ARMH4: variants seen among roughly 807,000 people sequenced by gnomAD.
ARMH4 encodes armadillo-like helical domain-containing protein 4.
ARMH4 carries 49 observed loss-of-function variants against 61.9 expected under a neutral mutation model. The observed-to-expected ratio is 0.79, with a 90% CI of 0.63 to 1.00. ARMH4 has a LOEUF of 1.00. ARMH4 is among the 50% of genes least tolerant of loss of function. The pLI is 0.00. For synonymous variants in ARMH4, 368 were observed against 341.5 expected, an observed-to-expected ratio of 1.08 and a Z score of -0.85; for missense variants, 934 against 930.0, an observed-to-expected ratio of 1.00 and a Z score of -0.06.
intron 5 of ARMH4, among the ~76,000 whole-genome samples, chr14:58,046,160 C>A (rs1159304916): frequency 3.3e-5 from 5 of 152,306 alleles, no homozygotes; most frequent in South Asian, 2.1e-4. Flanking sequence ...TATGCACATT[C>A]CTGTCCAGCC....
intron 4 of ARMH4, among the ~76,000 whole-genome samples, chr14:58,103,538 T>G (rs955115534): frequency 4.6e-5 from 7 of 151,586 alleles, no homozygotes; most frequent in Non-Finnish European, 8.8e-5. Context: ...AAAAAAACCC[T>G]ACTTAAAAAC....
At chr14:58,043,401 A>G (rs1350727895) in intron 5 of ARMH4, among the ~76,000 whole-genome samples, 1 of 152,212 alleles carries the variant, frequency 6.6e-6, no homozygotes, top group East Asian at 1.9e-4. Context: ...ACAAAATTCA[A>G]CAACGCTTCA....
intron 5 of ARMH4, among the ~76,000 whole-genome samples, chr14:58,076,179 A>T (rs1363585096): frequency 6.6e-6 from 1 of 152,146 alleles, no homozygotes; most frequent in African/African-American, 2.4e-5. Context: ...GAATTTCTTC[A>T]TCATTAAGCA....
At position 58,036,946 on chromosome 14, in the gene ARMH4, A is replaced by C. The variant is rs1828982483; in HGVS notation, c.2090-24796T>G. Among the ~76,000 whole-genome samples, 2 of 121,716 alleles carry C rather than the reference A, an allele frequency of 1.6e-5. 1 individual carries two copies. The highest frequency in any genetic ancestry group is 5.3e-4 in the South Asian group (2 of 3,742). 79.9% of individuals were successfully genotyped at this position (121,716 alleles called of 152,430 possible). A position where few individuals can be genotyped will look rare whatever the true frequency, so the allele number is the denominator to read the frequency against. On this transcript the variant is annotated intron_variant, in intron 5 of 7. Transcript: ENST00000267485. ...ACGTTCCATGCTCATGGGTAGGAAGAATCAATATCGTGAAAACGGCCATAC... is the reference window on the plus strand; with the variant it reads ...ACGTTCCATGCTCATGGGTAGGAAGCATCAATATCGTGAAAACGGCCATAC...
At chr14:58,038,817 C>T (rs1197133931) in intron 5 of ARMH4, among the ~76,000 whole-genome samples, 2 of 152,150 alleles carry the variant, frequency 1.3e-5, no homozygotes, top group African/African-American at 4.8e-5. Flanking sequence ...TGGCTACTGG[C>T]TACACTCATA....
rs1343547139 is a variant in ARMH4 at position 58,035,817 on chromosome 14, C to T, written c.2090-23667G>A. ...AAATCTAGAAGAAATGGATAAATTC[C>T]TCAACACATACACTCTCCCAAGACT... On this transcript the variant is annotated intron_variant, in intron 5 of 7. Coordinates refer to ENST00000267485, the MANE Select transcript of ARMH4 (RefSeq NM_001001872.4). 2.2e-4 allele frequency among the ~76,000 whole-genome samples: 31 copies of T among 138,684 alleles called. 1 individual carries two copies. Among genetic ancestry groups the T allele is most frequent in the Admixed American group, 2.1e-3 (29 of 14,122 alleles). The allele number at this position is 138,684 out of a possible 152,430, so 91.0% of individuals were successfully genotyped here.
chr14:58,139,392 T>A lies in ARMH4; in HGVS notation c.-34A>T. ...AGAAATGGCACGTACACTGGCAGAG[T>A]TGACAAGTCCAGTAATTGAATCCTG... is the stretch of plus-strand genomic sequence containing the variant. On this transcript the variant is annotated 5_prime_UTR_variant, in exon 2 of 8. Coordinates refer to ENST00000267485, the MANE Select transcript of ARMH4 (RefSeq NM_001001872.4). 1 of 1,602,158 alleles carries A rather than the reference T, an allele frequency of 6.2e-7. No homozygotes were observed. The highest frequency in any genetic ancestry group is 8.5e-7 in the Non-Finnish European group (1 of 1,171,788).
rs995698631 is a variant in ARMH4, at chr14:58,003,273, T to C, written c.*1463A>G. The C allele has an allele frequency of 6.6e-6, 1 of 152,190 alleles. No homozygotes were observed. The highest frequency in any genetic ancestry group is 2.4e-5 in the African/African-American group (1 of 41,438). 9.4% of individuals were successfully genotyped at this position (152,190 alleles called of 1,614,324 possible). A position where few individuals can be genotyped will look rare whatever the true frequency, so the allele number is the denominator to read the frequency against. Reference sequence around the variant, plus strand: ...CTGAAGATAAGGGTGCATGGCTGGGTCCAAGTGGGTTCTCACGCTGATTCT... The same window carrying C: ...CTGAAGATAAGGGTGCATGGCTGGGCCCAAGTGGGTTCTCACGCTGATTCT... On this transcript the variant is annotated 3_prime_UTR_variant, in exon 8 of 8. Transcript: ENST00000267485.
At chr14:58,038,876 G>T (rs368604435) in intron 5 of ARMH4, among the ~76,000 whole-genome samples, 9 of 152,324 alleles carry the variant, frequency 5.9e-5, no homozygotes, top group African/African-American at 2.2e-4. Flanking sequence ...AAATAAGGAT[G>T]CAATTTTTAC....
chr14:58,143,572 T>G (rs535937216), intron 1 of ARMH4, among the ~76,000 whole-genome samples: 4 of 152,198 alleles, frequency 2.6e-5, no homozygotes, highest in African/African-American at 7.2e-5. Context: ...CAAGTGATTC[T>G]CCTGCCTCAG....
intron 1 of ARMH4, among the ~76,000 whole-genome samples, chr14:58,142,217 T>G (rs1887588055): frequency 6.6e-6 from 1 of 152,172 alleles, no homozygotes; most frequent in African/African-American, 2.4e-5. Flanking sequence ...TTTTCTTGCT[T>G]TCATGTCTAA....
chr14:58,079,050 G>A (rs1211195509), intron 5 of ARMH4, among the ~76,000 whole-genome samples: 3 of 152,168 alleles, frequency 2.0e-5, no homozygotes. Context: ...CAGCTATTTT[G>A]AGACCATGCA....
chr14:58,147,316 GTTTTT>G, intron 1 of ARMH4, among the ~76,000 whole-genome samples: 1 of 132,538 alleles, frequency 7.5e-6, no homozygotes, highest in Non-Finnish European at 1.6e-5. Context: ...AATCCAGATG[GTTTTT>G]TTTTTTTTTT....
At chr14:58,023,913 T>A (rs1237180358) in intron 5 of ARMH4, among the ~76,000 whole-genome samples, 3 of 152,186 alleles carry the variant, frequency 2.0e-5, no homozygotes, top group African/African-American at 7.2e-5. Context: ...TCTTTTTTTC[T>A]GAGAGTAGGT....
chr14:58,137,300 G>A (rs555434485), intron 2 of ARMH4, among the ~76,000 whole-genome samples: 1 of 152,286 alleles, frequency 6.6e-6, no homozygotes, highest in South Asian at 2.1e-4. Context: ...TCCAAACATT[G>A]CTAAATGTCC....
At chr14:58,048,983 A>G (rs1295714190) in intron 5 of ARMH4, among the ~76,000 whole-genome samples, 1 of 152,188 alleles carries the variant, frequency 6.6e-6, no homozygotes, top group Non-Finnish European at 1.5e-5. Context: ...CATGCCTGTA[A>G]TCCCAGCACT....
At chr14:58,104,704 T>C (rs564493038) in intron 4 of ARMH4, among the ~76,000 whole-genome samples, 94 of 152,354 alleles carry the variant, frequency 6.2e-4, no homozygotes, top group African/African-American at 2.1e-3. Flanking sequence ...ATGTATGTTA[T>C]AGCAACTTGA....
intron 4 of ARMH4, among the ~76,000 whole-genome samples, chr14:58,109,249 A>G (rs974000871): frequency 3.3e-5 from 5 of 152,206 alleles, no homozygotes; most frequent in African/African-American, 9.6e-5. Context: ...ATATTCTACA[A>G]TTTTAGTCAG....
At position 58,141,668 on chromosome 14, in the gene ARMH4, G is replaced by A. The variant is rs541660698; in HGVS notation, c.-56-2254C>T. 6.6e-4 allele frequency: 238 copies of A among 361,900 alleles called. 1 individual carries two copies. The highest frequency in any genetic ancestry group is 1.9e-3 in the Middle Eastern group (2 of 1,064). The allele number at this position is 361,900 out of a possible 1,614,324, so 22.4% of individuals were successfully genotyped here. Reference sequence around the variant, plus strand: ...TACCCCAGGAAGAAGGTCAAATAAGGCTCTTCCTTCCTTGAAGGGCAGCAG... The same window carrying A: ...TACCCCAGGAAGAAGGTCAAATAAGACTCTTCCTTCCTTGAAGGGCAGCAG... On this transcript the variant is annotated intron_variant, in intron 1 of 7. Transcript: ENST00000267485.
Sources: gnomAD v4.1 joint callset for allele counts (sites outside exome capture counted in the v4.1 genomes callset) on GRCh38, gnomAD v4.1.1 for gene constraint, MANE v1.5 for transcripts, NCBI Gene and HGNC (gene_info 2026-07-23, HGNC 2026-07-21) for gene names.